The following TSPEAR variants were observed in gnomAD, a reference collection of about 807,000 sequenced individuals.
TSPEAR encodes thrombospondin-type laminin G domain and EAR repeat-containing protein.
TSPEAR carries 69 observed loss-of-function variants against 71.6 expected under a neutral mutation model. The observed-to-expected ratio is 0.96, with a 90% CI of 0.79 to 1.18. The LOEUF is 1.18. TSPEAR is among the 50% of genes most tolerant of loss of function. TSPEAR has a pLI of 0.00. For synonymous variants in TSPEAR, 402 were observed against 387.2 expected, an observed-to-expected ratio of 1.04 and a Z score of -0.45; for missense variants, 971 against 894.9, an observed-to-expected ratio of 1.09 and a Z score of -1.09.
At chr21:44,563,429 G>A (rs979995443) in intron 2 of TSPEAR, among the ~76,000 whole-genome samples, 2 of 152,100 alleles carry the variant, frequency 1.3e-5, no homozygotes, top group African/African-American at 4.8e-5. Context: ...AGTTGATCTT[G>A]ATAAGTCAAA....
chr21:44,681,698 G>A (rs782680900), intron 1 of TSPEAR: 23 of 1,203,532 alleles, frequency 1.9e-5, no homozygotes, highest in Middle Eastern at 2.9e-4. Flanking sequence ...TTATATTCTC[G>A]ATCCAGAATT....
At chr21:44,676,021 T>C in intron 1 of TSPEAR, 2 of 849,386 alleles carry the variant, frequency 2.4e-6, no homozygotes, top group Non-Finnish European at 2.1e-6. Flanking sequence ...GATTGACAAA[T>C]TTTGCTACTA....
intron 1 of TSPEAR, among the ~76,000 whole-genome samples, chr21:44,701,437 G>A (rs1458371699): frequency 2.6e-5 from 4 of 152,288 alleles, no homozygotes; most frequent in Middle Eastern, 3.4e-3. Context: ...TGATTCAAGC[G>A]CATTACATTT....
chr21:44,599,134 TTCTC>T (rs58774528), intron 1 of TSPEAR, among the ~76,000 whole-genome samples: 160 of 92,338 alleles, frequency 1.7e-3, no homozygotes, highest in African/African-American at 3.6e-3. Flanking sequence ...GGCCCCCATT[TTCTC>T]TCTCTCTCTC....
At chr21:44,609,686 G>T (rs1439905179) in intron 1 of TSPEAR, among the ~76,000 whole-genome samples, 1 of 152,164 alleles carries the variant, frequency 6.6e-6, no homozygotes, top group Non-Finnish European at 1.5e-5. Context: ...GTTTGGGGAG[G>T]AGCAATTGTT....
Position 44,710,700 on chromosome 21 carries a change from T to A in TSPEAR, c.82+733A>T, listed in dbSNP as rs954963291. 6.6e-6 allele frequency among the ~76,000 whole-genome samples: 1 copy of A among 152,198 alleles called. No homozygotes were observed. The highest frequency in any genetic ancestry group is 2.4e-5 in the African/African-American group (1 of 41,432). ...AGTAACTGAGTTTCTAGCGACCAGG[T>A]CTAGTTGTCGTGTTACTTTATTAAA... On this transcript the variant is annotated intron_variant, in intron 1 of 11. Transcript: ENST00000323084. This position sits in a 1 kb window ranked among gnomAD's most constrained non-coding sequence, Gnocchi z 4.6.
intron 1 of TSPEAR, among the ~76,000 whole-genome samples, chr21:44,613,246 A>G (rs1981842414): frequency 6.6e-6 from 1 of 152,110 alleles, no homozygotes; most frequent in Non-Finnish European, 1.5e-5. Context: ...CACGGTTTTG[A>G]GCTGACATTG....
intron 2 of TSPEAR, chr21:44,558,477 C>T: frequency 6.2e-7 from 1 of 1,614,050 alleles, no homozygotes; most frequent in Non-Finnish European, 8.5e-7. Context: ...AGACTGCTGG[C>T]AGCACGAGGG....
chr21:44,551,532 G>C (rs1454518876), intron 2 of TSPEAR: 26 of 1,535,138 alleles, frequency 1.7e-5, no homozygotes, highest in Non-Finnish European at 2.3e-5. Flanking sequence ...GTGAGTGAGT[G>C]TGTGTGTGAG....
In TSPEAR at chr21:44,506,002, C is replaced by G. The variant is rs1448388524; in HGVS notation, c.1755-1121G>C. On this transcript the variant is annotated intron_variant, in intron 10 of 11. Transcript: ENST00000323084. The surrounding 1 kb of genome is among the most constrained non-coding windows in gnomAD (Gnocchi z 4.2). ...CAGAAATGGCGTCACAGTGCTGTGG[C>G]CTCTGTGCCTGGTTTCTTCTCTCAG... 6.6e-6 allele frequency among the ~76,000 whole-genome samples: 1 copy of G among 152,210 alleles called. No individual in the cohort carries two copies. The highest frequency in any genetic ancestry group is 2.1e-4 in the South Asian group (1 of 4,826).
intron 2 of TSPEAR, among the ~76,000 whole-genome samples, chr21:44,556,393 CAAA>C (rs1233736947): frequency 4.7e-5 from 7 of 150,004 alleles, no homozygotes; most frequent in East Asian, 2.0e-4. Flanking sequence ...ATAACAACAA[CAAA>C]AAAAAAAACC....
intron 1 of TSPEAR, among the ~76,000 whole-genome samples, chr21:44,596,313 T>C (rs1980367162): frequency 6.6e-6 from 1 of 152,174 alleles, no homozygotes; most frequent in African/African-American, 2.4e-5. Flanking sequence ...AATGGGATCA[T>C]GCACATCCCA....
chr21:44,701,074 G>A (rs1228655334), intron 1 of TSPEAR, among the ~76,000 whole-genome samples: 1 of 152,154 alleles, frequency 6.6e-6, no homozygotes, highest in Non-Finnish European at 1.5e-5. Flanking sequence ...TTATAGTGAG[G>A]AAAAGCACTT....
rs140821764 is a variant in TSPEAR at position 44,628,045 on chromosome 21, T to G, written c.83-60040A>C. On this transcript the variant is annotated intron_variant, in intron 1 of 11. Coordinates refer to ENST00000323084, the MANE Select transcript of TSPEAR (RefSeq NM_144991.3). ...CTTCTCCTCAGGCCAGAAGTCCAGC[T>G]GCTGACGGTCATGTCCCCCAGGGCC... The G allele has an allele frequency of 1.2e-3, 1,920 of 1,611,634 alleles. 13 individuals are homozygous for G. The African/African-American group carries it at 0.023, about 19-fold the overall frequency.
chr21:44,646,779 T>C (rs1984419282), intron 1 of TSPEAR: 2 of 1,613,134 alleles, frequency 1.2e-6, no homozygotes, highest in Non-Finnish European at 1.7e-6. Context: ...GCTGCAAGAC[T>C]GTCTGCTGCA....
At chr21:44,603,962 C>T (rs1328668029) in intron 1 of TSPEAR, among the ~76,000 whole-genome samples, 4 of 152,226 alleles carry the variant, frequency 2.6e-5, no homozygotes, top group East Asian at 3.8e-4. Flanking sequence ...TGGGGCATCA[C>T]GGGGAGACTG....
intron 1 of TSPEAR, chr21:44,697,474 G>A: frequency 1.9e-6 from 3 of 1,614,072 alleles, no homozygotes; most frequent in South Asian, 1.1e-5. Flanking sequence ...CTAGCTGCCA[G>A]CCGGCTTGCT....
chr21:44,604,964 TG>T (rs1981216799), intron 1 of TSPEAR, among the ~76,000 whole-genome samples: 1 of 152,240 alleles, frequency 6.6e-6, no homozygotes, highest in Middle Eastern at 3.2e-3. Flanking sequence ...ATCTTTTTAA[TG>T]TGCTGTTGAA....
At chr21:44,644,287 C>G (rs2838608) in intron 1 of TSPEAR, among the ~76,000 whole-genome samples, 1 of 152,044 alleles carries the variant, frequency 6.6e-6, no homozygotes, top group East Asian at 1.9e-4. Context: ...AAAGACTGTA[C>G]GTGCACTGTG....
Sources: gnomAD v4.1 joint callset for allele counts (sites outside exome capture counted in the v4.1 genomes callset) on GRCh38, gnomAD v4.1.1 for gene constraint, Gnocchi (gnomAD v3.1) non-coding constraint, MANE v1.5 for transcripts, NCBI Gene and HGNC (gene_info 2026-07-23, HGNC 2026-07-21) for gene names.